Variants in TMCO4 observed in about 807,000 individuals in gnomAD.
TMCO4 encodes transmembrane and coiled-coil domain-containing protein 4.
Under a neutral mutation model 64.7 loss-of-function variants are expected in TMCO4, and 58 were observed. That is an observed-to-expected ratio of 0.90 (90% CI 0.73 to 1.12). TMCO4 has a LOEUF of 1.12. Ranked by LOEUF, TMCO4 falls within the 50% of genes most tolerant of loss-of-function variation. TMCO4 has a pLI of 0.00. For synonymous variants in TMCO4, 325 were observed against 346.1 expected (o/e 0.94, Z 0.68); for missense variants, 780 against 825.9 (o/e 0.94, Z 0.68).
chr1:19,740,462 G>C (rs2095474204), intron 11 of TMCO4, among the ~76,000 whole-genome samples: 1 of 152,288 alleles, frequency 6.6e-6, no homozygotes, highest in African/African-American at 2.4e-5. Context: ...ATGGTTGGCT[G>C]ACCCACAGGC....
At chr1:19,725,832 G>A (rs1052905065) in intron 13 of TMCO4, among the ~76,000 whole-genome samples, 8 of 152,222 alleles carry the variant, frequency 5.3e-5, no homozygotes, top group Non-Finnish European at 1.0e-4. Context: ...AAGCCCGATG[G>A]ACAGTCTGGA....
chr1:19,703,556 CTT>C (rs1170483915), intron 13 of TMCO4, among the ~76,000 whole-genome samples: 7 of 122,238 alleles, frequency 5.7e-5, no homozygotes, highest in Non-Finnish European at 7.0e-5. Context: ...TTTTCTTCCT[CTT>C]TTTTTTTTTT....
intron 2 of TMCO4, among the ~76,000 whole-genome samples, chr1:19,794,610 A>G (rs991714518): frequency 2.0e-5 from 3 of 152,232 alleles, no homozygotes; most frequent in African/African-American, 7.2e-5. Context: ...CCACCTTCAA[A>G]TTATAACAGC....
rs796880123 is a variant in TMCO4, at chr1:19,774,725, T to C, written c.180-3243A>G. Among the ~76,000 whole-genome samples the C allele has an allele frequency of 1.4e-4, 21 of 152,314 alleles. 2 individuals are homozygous for C. Among genetic ancestry groups the C allele is most frequent in the African/African-American group, 5.1e-4 (21 of 41,566 alleles). ...ATAACAATTGTAGAGCAACTGTCCG[T>C]CAGTCCCTGTGCTGAGAGCTTCGTA... On this transcript the variant is annotated intron_variant, in intron 4 of 15. Coordinates refer to ENST00000294543, the MANE Select transcript of TMCO4 (RefSeq NM_181719.7).
chr1:19,682,683 G>A lies in TMCO4; in HGVS notation c.*357C>T, dbSNP rs546334743. ...GAGCCTCAGGCCCCAGAGAGCCCTC[G>A]GGACCTCCTGATGGACAGCCAGACT... On this transcript the variant is annotated 3_prime_UTR_variant, in exon 16 of 16. Coordinates refer to ENST00000294543, the MANE Select transcript of TMCO4 (RefSeq NM_181719.7). 3.3e-5 allele frequency: 24 copies of A among 717,618 alleles called. No homozygotes were observed. Among genetic ancestry groups the A allele is most frequent in the East Asian group, 1.9e-4 (7 of 37,396 alleles). 44.5% of individuals were successfully genotyped at this position (717,618 alleles called of 1,614,324 possible).
rs907987512 is a variant in TMCO4, at chr1:19,733,781, T to C, written c.1264+3591A>G. On this transcript the variant is annotated intron_variant, in intron 13 of 15. Transcript: ENST00000294543. The stretch of plus-strand genomic sequence containing the variant: ...GCTGGGAAAGATGTTCAAGGAAGAA[T>C]GGAGTGTGGCTTGGAGAGACAGTCT... Among the ~76,000 whole-genome samples the C allele has an allele frequency of 1.9e-4, 29 of 152,236 alleles. 1 individual carries two copies. The highest frequency in any genetic ancestry group is 6.5e-4 in the African/African-American group (27 of 41,536).
chr1:19,752,824 T>C (rs549929716), intron 7 of TMCO4, among the ~76,000 whole-genome samples: 1 of 151,298 alleles, frequency 6.6e-6, no homozygotes, highest in African/African-American at 2.4e-5. Context: ...TCTTTATTTG[T>C]GAAACACTTA....
chr1:19,683,502 G>A (rs2095120849), intron 15 of TMCO4, 58 bp from the exon 16 acceptor site: 2 of 1,579,736 alleles, frequency 1.3e-6, no homozygotes, highest in Admixed American at 3.5e-5. Context: ...CCCTCCCCAG[G>A]GACCTCCGGC....
intron 13 of TMCO4, among the ~76,000 whole-genome samples, chr1:19,720,329 GA>G (rs955576982): frequency 2.0e-5 from 3 of 152,104 alleles, no homozygotes; most frequent in Admixed American, 6.5e-5. Context: ...ATTGTCCTAT[GA>G]AGAAAGTATT....
rs975169834 is a variant in TMCO4 at position 19,723,385 on chromosome 1, A to T, written c.1264+13987T>A. The stretch of plus-strand genomic sequence containing the variant: ...TTCTCCTTCGATGCCACTGGCCAGG[A>T]CCCCATAGGCCCCCAGATCCAGGGC... On this transcript the variant is annotated intron_variant, in intron 13 of 15. Transcript: ENST00000294543. Among the ~76,000 whole-genome samples, 6 of 152,098 alleles carry T rather than the reference A, an allele frequency of 3.9e-5. No homozygotes were observed. In the South Asian group the frequency reaches 1.0e-3, roughly 26 times the overall value.
intron 9 of TMCO4, 57 bp from the exon 10 acceptor site, chr1:19,745,708 A>G: frequency 6.4e-7 from 1 of 1,553,834 alleles, no homozygotes; most frequent in Non-Finnish European, 8.7e-7. Context: ...GGGGAACATC[A>G]GGGTGGCTGT....
At chr1:19,700,947 C>G (rs2100616516) in intron 13 of TMCO4, 62 bp from the exon 14 acceptor site, 4 of 1,329,432 alleles carry the variant, frequency 3.0e-6, no homozygotes, top group South Asian at 1.2e-5. Flanking sequence ...CTGGGAGGGA[C>G]TCCAACAGCA....
rs1557558018 is a variant in TMCO4 at position 19,746,729 on chromosome 1, C to T, written c.614-130G>A. ...CACGAGGTCAGGAGATCGAGACTAT[C>T]CTGGCTAACACGGTGAAACCTCATC... is the stretch of plus-strand genomic sequence containing the variant. On this transcript the variant is annotated intron_variant, in intron 8 of 15. Coordinates refer to ENST00000294543, the MANE Select transcript of TMCO4 (RefSeq NM_181719.7). 5.9e-6 allele frequency: 7 copies of T among 1,185,792 alleles called. No individual in the cohort carries two copies. The South Asian group carries it at 1.1e-4, about 19-fold the overall frequency. 73.5% of individuals were successfully genotyped at this position (1,185,792 alleles called of 1,614,324 possible). A position where few individuals can be genotyped will look rare whatever the true frequency, so the allele number is the denominator to read the frequency against.
intron 14 of TMCO4, among the ~76,000 whole-genome samples, chr1:19,699,089 G>A (rs544743952): frequency 9.3e-4 from 141 of 152,092 alleles, no homozygotes; most frequent in African/African-American, 2.5e-3. Context: ...CCAGCTACTC[G>A]GGAGGCTGAG....
At position 19,734,759 on chromosome 1, in the gene TMCO4, G is replaced by A. The variant is rs916791813; in HGVS notation, c.1264+2613C>T. Among the ~76,000 whole-genome samples, 6 of 152,108 alleles carry A rather than the reference G, an allele frequency of 3.9e-5. No homozygotes were observed. Among genetic ancestry groups the A allele is most frequent in the African/African-American group, 1.4e-4 (6 of 41,414 alleles). On this transcript the variant is annotated intron_variant, in intron 13 of 15. Coordinates refer to ENST00000294543, the MANE Select transcript of TMCO4 (RefSeq NM_181719.7). The surrounding 1 kb of genome is among the most constrained non-coding windows in gnomAD (Gnocchi z 4.4). ...ATACAGCATAGTGGTTAGGAGTGAG[G>A]GCTCCAGGGCCAGACTCCCTGGGCC... is the stretch of plus-strand genomic sequence containing the variant.
At chr1:19,683,530 G>A (rs2095121046) in intron 15 of TMCO4, 86 bp from the exon 16 acceptor site, 29 of 1,482,772 alleles carry the variant, frequency 2.0e-5, no homozygotes, top group Non-Finnish European at 2.6e-5. Context: ...CTGGGCCTCA[G>A]CCTTGCCCTG....
rs143761198 is a variant in TMCO4 at position 19,763,970 on chromosome 1, G to A, written c.382+6572C>T. 4.1e-4 allele frequency among the ~76,000 whole-genome samples: 62 copies of A among 152,300 alleles called. No individual in the cohort carries two copies. In the East Asian group the frequency reaches 6.6e-3, roughly 16 times the overall value. On this transcript the variant is annotated intron_variant, in intron 6 of 15. Coordinates refer to ENST00000294543, the MANE Select transcript of TMCO4 (RefSeq NM_181719.7). ...GCCTTTTGTCCTCATGGCTTAGGAC[G>A]ATTAAGGGCATTAAGGCAGTGACAA... is the stretch of plus-strand genomic sequence containing the variant.
intron 7 of TMCO4, among the ~76,000 whole-genome samples, chr1:19,752,807 C>T (rs760075349): frequency 3.3e-5 from 5 of 151,404 alleles, no homozygotes; most frequent in Non-Finnish European, 7.4e-5. Flanking sequence ...ACCCCTCTGA[C>T]TTTATTTCTT....
intron 13 of TMCO4, among the ~76,000 whole-genome samples, chr1:19,731,990 A>C (rs2095431989): frequency 6.6e-6 from 1 of 152,178 alleles, no homozygotes; most frequent in Non-Finnish European, 1.5e-5. Flanking sequence ...CATCAGAGAG[A>C]TCTCCCGTCC....
Sources: gnomAD v4.1 joint callset for allele counts (sites outside exome capture counted in the v4.1 genomes callset) on GRCh38, gnomAD v4.1.1 for gene constraint, Gnocchi (gnomAD v3.1) non-coding constraint, MANE v1.5 for transcripts, NCBI Gene and HGNC (gene_info 2026-07-23, HGNC 2026-07-21) for gene names.